Variants in ANK3 observed in about 807,000 individuals in gnomAD.
ANK3 encodes ankyrin-3.
A neutral mutation model predicts 370.9 loss-of-function variants in ANK3; 57 were observed. That is an observed-to-expected ratio of 0.15 (90% CI 0.12 to 0.19). The LOEUF (loss-of-function observed/expected upper bound fraction) is 0.19, where lower values mean the gene tolerates loss of function less well. ANK3 is among the 10% of genes least tolerant of loss of function. The probability of loss-of-function intolerance (pLI) is 1.00; values close to 1 mark genes in which losing one functional copy is unlikely to be tolerated. For synonymous variants in ANK3, 1,929 were observed against 1,946.3 expected, an observed-to-expected ratio of 0.99 and a Z score of 0.23; for missense variants, 4,439 against 5,302.1, an observed-to-expected ratio of 0.84 and a Z score of 5.06.
intron 17 of ANK3, among the ~76,000 whole-genome samples, chr10:60,184,783 CAA>C (rs2096282011): frequency 6.6e-6 from 1 of 152,160 alleles, no homozygotes; most frequent in Non-Finnish European, 1.5e-5. Context: ...TTTGAAGAAA[CAA>C]AGTCAGTCAC....
intron 1 of ANK3, among the ~76,000 whole-genome samples, chr10:60,657,533 T>C (rs115038508): frequency 2.8e-4 from 43 of 152,286 alleles, no homozygotes; most frequent in African/African-American, 1.0e-3. Flanking sequence ...GTTTTCTAGA[T>C]ATTTTCTTGT....
At chr10:60,319,792 C>T (rs371556096) in intron 1 of ANK3, among the ~76,000 whole-genome samples, 2 of 152,164 alleles carry the variant, frequency 1.3e-5, no homozygotes, top group East Asian at 1.9e-4. Context: ...TATTGATTGG[C>T]CTAAAAGTTC....
At chr10:60,693,261 C>A (rs1012956283) in intron 1 of ANK3, among the ~76,000 whole-genome samples, 1 of 152,226 alleles carries the variant, frequency 6.6e-6, no homozygotes, top group South Asian at 2.1e-4. Context: ...CCTAAGCCCA[C>A]GGAGTCTCGC....
chr10:60,423,195 G>A (rs528280947), intron 2 of ANK3, among the ~76,000 whole-genome samples: 2 of 152,066 alleles, frequency 1.3e-5, no homozygotes, highest in African/African-American at 4.8e-5. Context: ...ATACTTTTAG[G>A]GCAAGAGGAG....
chr10:60,654,933 G>A (rs149567115), intron 1 of ANK3, among the ~76,000 whole-genome samples: 66 of 152,160 alleles, frequency 4.3e-4, no homozygotes, highest in Middle Eastern at 3.4e-3. Context: ...TGATGATTCC[G>A]TAAGATTTTA....
intron 2 of ANK3, among the ~76,000 whole-genome samples, chr10:60,521,708 C>T (rs2076351283): frequency 6.6e-6 from 1 of 152,012 alleles, no homozygotes; most frequent in Admixed American, 6.6e-5. Flanking sequence ...AGAAGCCATT[C>T]CAGGGCCCAA....
chr10:60,056,109 T>C, intron 41 of ANK3, 73 bp from the exon 42 acceptor site: 1 of 1,485,880 alleles, frequency 6.7e-7, no homozygotes, highest in Non-Finnish European at 9.0e-7. Context: ...TCTAAAGTTT[T>C]AAGAACTGTG....
intron 7 of ANK3, among the ~76,000 whole-genome samples, chr10:60,245,946 A>G (rs1453881883): frequency 1.3e-5 from 2 of 152,170 alleles, no homozygotes; most frequent in African/African-American, 2.4e-5. Flanking sequence ...CCTTCATACC[A>G]TAGTGATCAT....
At chr10:60,043,552 CAA>C (rs2076467410) in intron 42 of ANK3, 1 of 985,352 alleles carries the variant, frequency 1.0e-6, no homozygotes, top group Middle Eastern at 5.2e-4. Flanking sequence ...GTTATAAACC[CAA>C]AGAGGGGAAC....
chr10:60,342,076 T>G (rs533210273), intron 1 of ANK3, among the ~76,000 whole-genome samples: 16 of 152,254 alleles, frequency 1.1e-4, no homozygotes, highest in South Asian at 8.3e-4. Context: ...AATATTTTTA[T>G]TAAGCATCTA....
chr10:60,689,957 A>G (rs1379884368), intron 1 of ANK3, among the ~76,000 whole-genome samples: 3 of 152,268 alleles, frequency 2.0e-5, no homozygotes. Context: ...GGATGCAAAC[A>G]TGCCATTGTA....
chr10:60,519,536 A>G (rs2076301112), intron 2 of ANK3, among the ~76,000 whole-genome samples: 1 of 152,272 alleles, frequency 6.6e-6, no homozygotes, highest in South Asian at 2.1e-4. Flanking sequence ...TTTTGCCAGT[A>G]GAGAAGCTGC....
chr10:60,324,019 T>C (rs2049241635), intron 1 of ANK3, among the ~76,000 whole-genome samples: 1 of 151,944 alleles, frequency 6.6e-6, no homozygotes. Context: ...TTGGAAGCAA[T>C]GAATGTGAGC....
upstream of ANK3, chr10:60,389,950 G>T (rs1466883177): frequency 4.2e-6 from 3 of 719,708 alleles, no homozygotes; most frequent in East Asian, 4.0e-4. Context: ...CACACATGCA[G>T]AAGCAAAAAT....
chr10:60,432,620 A>G (rs1005927131), intron 2 of ANK3, among the ~76,000 whole-genome samples: 4 of 152,240 alleles, frequency 2.6e-5, no homozygotes, highest in African/African-American at 7.2e-5. Context: ...TGATGACAAA[A>G]TAATAAAAAG....
chr10:60,732,849 T>G (rs1024942200), intron 1 of ANK3, among the ~76,000 whole-genome samples: 5 of 151,774 alleles, frequency 3.3e-5, no homozygotes, highest in Admixed American at 3.3e-4. Context: ...TTAGGAAAGG[T>G]TCAGCCTGGC....
At chr10:60,639,654 A>G (rs968235157) in intron 1 of ANK3, among the ~76,000 whole-genome samples, 2 of 151,956 alleles carry the variant, frequency 1.3e-5, no homozygotes, top group African/African-American at 4.8e-5. Context: ...TAATGATATT[A>G]AATATACATA....
intron 28 of ANK3, among the ~76,000 whole-genome samples, chr10:60,091,169 G>A (rs2088274046): frequency 6.6e-6 from 1 of 152,224 alleles, no homozygotes; most frequent in Non-Finnish European, 1.5e-5. Context: ...GACCCCCAAA[G>A]TGTTGGGATT....
At chr10:60,709,470 C>T (rs1436119145) in intron 1 of ANK3, among the ~76,000 whole-genome samples, 1 of 151,998 alleles carries the variant, frequency 6.6e-6, no homozygotes, top group Non-Finnish European at 1.5e-5. Flanking sequence ...GGAAGCCTTA[C>T]CAATAACATA....
Sources: gnomAD v4.1 joint callset for allele counts (sites outside exome capture counted in the v4.1 genomes callset) on GRCh38, gnomAD v4.1.1 for gene constraint, MANE v1.5 for transcripts, NCBI Gene and HGNC (gene_info 2026-07-23, HGNC 2026-07-21) for gene names.